NUP153: variants seen among roughly 807,000 people sequenced by gnomAD.
NUP153 encodes the protein nucleoporin 153.
Under a neutral mutation model 134.6 loss-of-function variants are expected in NUP153, and 27 were observed. The ratio of observed to expected loss-of-function variants is 0.20; its 90% CI spans 0.15 to 0.28. NUP153 has a LOEUF of 0.28. Ranked by LOEUF, NUP153 falls within the 10% of genes least tolerant of loss-of-function variation. The pLI is 1.00. For missense variants in NUP153, 1,821 were observed against 1,731.3 expected (o/e 1.05, Z -0.92); for synonymous variants, 640 against 623.5 (o/e 1.03, Z -0.40).
Position 17,629,249 on chromosome 6 carries a change from C to G in NUP153, c.2950G>C (p.Gly984Arg). The G allele has an allele frequency of 6.2e-7, 1 of 1,612,904 alleles. No individual in the cohort carries two copies. Among genetic ancestry groups the G allele is most frequent in the Non-Finnish European group, 8.5e-7 (1 of 1,179,722 alleles). The change falls in exon 18 of 22, where the codon GGA becomes CGA. Residue 984 changes from glycine (G) to arginine (R), a missense_variant. Physicochemically the swap from Gly to Arg is moderately radical, Grantham distance 125 (BLOSUM62 -2). Coordinates refer to ENST00000262077, the MANE Select transcript of NUP153 (RefSeq NM_005124.4). Reference protein sequence around the residue: ...KDSKNDNFKFGLSSGLSNPVS... With the variant: ...KDSKNDNFKFRLSSGLSNPVS... ...GGGTTGCTTAAACCAGAAGAAAGTC[C>G]AAACTTAAAATTATCATTCTTACTA...
chr6:17,640,041 T>G lies in NUP153; in HGVS notation c.1744A>C (p.Ser582Arg). 1 of 1,604,950 alleles carries G rather than the reference T, an allele frequency of 6.2e-7. No individual in the cohort carries two copies. The highest frequency in any genetic ancestry group is 8.5e-7 in the Non-Finnish European group (1 of 1,176,140). Reference sequence around the variant, plus strand: ...GGTGGTGTCTTCTTACAATTTGTACTGTTCACTGTAGTGACATGATGAGCT... The same window carrying G: ...GGTGGTGTCTTCTTACAATTTGTACGGTTCACTGTAGTGACATGATGAGCT... ...SSAHHVTTVN[S>R]TNCKKTPPED... The change falls in exon 15 of 22, where the codon AGT becomes CGT. Residue 582 changes from serine (S) to arginine (R), a missense_variant. Transcript: ENST00000262077.
Position 17,629,199 on chromosome 6 carries a change from A to C in NUP153, c.3000T>G (p.Phe1000Leu). 1 of 1,613,360 alleles carries C rather than the reference A, an allele frequency of 6.2e-7. No homozygotes were observed. ...SNPVSLTPFQFGVSNLGQEEK... is the reference protein window; with the variant it reads ...SNPVSLTPFQLGVSNLGQEEK... Reference sequence around the variant, plus strand: ...CTTCCTGTCCAAGATTAGATACCCCAAATTGAAATGGAGTTAAAGAAACTG... The same window carrying C: ...CTTCCTGTCCAAGATTAGATACCCCCAATTGAAATGGAGTTAAAGAAACTG... The change falls in exon 18 of 22, where the codon TTT (phenylalanine) becomes TTG (leucine). Residue 1000 changes from phenylalanine to leucine, a missense_variant. Coordinates refer to ENST00000262077, the MANE Select transcript of NUP153 (RefSeq NM_005124.4).
At position 17,680,027 on chromosome 6, in the gene NUP153, A is replaced by G. The variant is rs1294237880; in HGVS notation, c.335-4257T>C. 1.3e-5 allele frequency among the ~76,000 whole-genome samples: 2 copies of G among 152,252 alleles called. No individual in the cohort carries two copies. The highest frequency in any genetic ancestry group is 1.9e-4 in the East Asian group (1 of 5,178). On this transcript the variant is annotated intron_variant, in intron 2 of 21. Transcript: ENST00000262077. The surrounding 1 kb of genome is among the most constrained non-coding windows in gnomAD (Gnocchi z 4.5). ...AGGTGCTTTGCCCAGCCCAGCCTGC[A>G]TACCTTACCCCATGTCAATTCCTGC...
intron 1 of NUP153, among the ~76,000 whole-genome samples, chr6:17,691,355 A>C (rs1229247129): frequency 6.6e-6 from 1 of 152,238 alleles, no homozygotes; most frequent in Non-Finnish European, 1.5e-5. Context: ...ATGGAAAGAA[A>C]GCCTATATAC....
At position 17,625,108 on chromosome 6, in the gene NUP153, C is replaced by CA. The variant is rs1167942972; in HGVS notation, c.3902-276dup. ...CAATTTCTGGTAAAGGAACATATCT[C>CA]AGAATAATCTCCCACCAGAAATTTA... On this transcript the variant is annotated intron_variant, in intron 19 of 21. Coordinates refer to ENST00000262077, the MANE Select transcript of NUP153 (RefSeq NM_005124.4). This position sits in a 1 kb window ranked among gnomAD's most constrained non-coding sequence, Gnocchi z 4.7. Among the ~76,000 whole-genome samples, 1 of 152,182 alleles carries CA rather than the reference C, an allele frequency of 6.6e-6. No homozygotes were observed. Among genetic ancestry groups the CA allele is most frequent in the African/African-American group, 2.4e-5 (1 of 41,438 alleles).
intron 12 of NUP153, among the ~76,000 whole-genome samples, chr6:17,648,341 G>C (rs184332426): frequency 1.7e-3 from 264 of 152,282 alleles, no homozygotes; most frequent in African/African-American, 5.9e-3. Flanking sequence ...TTTTGGCCAG[G>C]AGTGGGGGCT....
At chr6:17,632,039 T>C (rs1171429630) in intron 17 of NUP153, among the ~76,000 whole-genome samples, 2 of 152,184 alleles carry the variant, frequency 1.3e-5, no homozygotes, top group African/African-American at 4.8e-5. Flanking sequence ...TTTGTACTTA[T>C]ATAGTAAAAT....
At chr6:17,644,236 GA>G (rs1177076861) in intron 14 of NUP153, among the ~76,000 whole-genome samples, 1 of 151,888 alleles carries the variant, frequency 6.6e-6, no homozygotes, top group East Asian at 1.9e-4. Flanking sequence ...CCCAAACTCA[GA>G]AGATCATTGA....
rs1212366312 is a variant in NUP153, at chr6:17,675,391, A to G, written c.584-23T>C. 1.2e-6 allele frequency: 2 copies of G among 1,609,648 alleles called. No homozygotes were observed. The highest frequency in any genetic ancestry group is 3.3e-5 in the Admixed American group (2 of 59,876). On this transcript the variant is annotated intron_variant, in intron 3 of 21. Coordinates refer to ENST00000262077, the MANE Select transcript of NUP153 (RefSeq NM_005124.4). The surrounding 1 kb of genome is among the most constrained non-coding windows in gnomAD (Gnocchi z 4.4). ...TATCTGAAACAAAATTACATAATCC[A>G]TAGTAATAACACCAATACAAGAGCC...
At chr6:17,701,843 G>A (rs199994282) in intron 1 of NUP153, among the ~76,000 whole-genome samples, 6,058 of 87,394 alleles carry the variant, frequency 0.069, 1,356 homozygotes, top group East Asian at 0.5. Context: ...GGGGGGGGGG[G>A]GAAAAAAGCT....
intron 9 of NUP153, among the ~76,000 whole-genome samples, chr6:17,663,644 T>C (rs578096760): frequency 1.6e-4 from 24 of 152,346 alleles, no homozygotes; most frequent in African/African-American, 5.3e-4. Flanking sequence ...AAAATGTTAA[T>C]GACTGGTGAA....
chr6:17,684,168 A>G (rs1027645885), intron 2 of NUP153, among the ~76,000 whole-genome samples: 9 of 152,214 alleles, frequency 5.9e-5, no homozygotes, highest in African/African-American at 2.2e-4. Context: ...TTGCAGAACC[A>G]TGAGCCAAAT....
intron 20 of NUP153, among the ~76,000 whole-genome samples, chr6:17,623,482 T>G (rs532502083): frequency 6.6e-6 from 1 of 152,198 alleles, no homozygotes; most frequent in South Asian, 2.1e-4. Context: ...AGGAAAAGTT[T>G]TTATTATCTT....
rs1294998427 is a variant in NUP153, at chr6:17,629,361, C to T, written c.2838G>A (p.Met946Ile). The change falls in exon 18 of 22, where the codon ATG (methionine) becomes ATA (isoleucine). Residue 946 changes from methionine to isoleucine, a missense_variant. Coordinates refer to ENST00000262077, the MANE Select transcript of NUP153 (RefSeq NM_005124.4). ...VSSDSGSINP[M>I]SEGFKFSKPI... Reference sequence around the variant, plus strand: ...GTTTAGAAAATTTAAAGCCTTCACTCATGGGGTTTATAGACCCAGAATCGG... The same window carrying T: ...GTTTAGAAAATTTAAAGCCTTCACTTATGGGGTTTATAGACCCAGAATCGG... 6.2e-7 allele frequency: 1 copy of T among 1,612,738 alleles called. No individual in the cohort carries two copies. The highest frequency in any genetic ancestry group is 8.5e-7 in the Non-Finnish European group (1 of 1,179,530).
At chr6:17,689,487 T>A (rs1417091922) in intron 1 of NUP153, among the ~76,000 whole-genome samples, 1 of 151,280 alleles carries the variant, frequency 6.6e-6, no homozygotes, top group Non-Finnish European at 1.5e-5. Flanking sequence ...GACATTTCAC[T>A]ACAGCAAATG....
rs964060853 is a variant in NUP153, at chr6:17,680,907, C to G, written c.335-5137G>C. On this transcript the variant is annotated intron_variant, in intron 2 of 21. Transcript: ENST00000262077. This position sits in a 1 kb window ranked among gnomAD's most constrained non-coding sequence, Gnocchi z 4.5. ...ACTAAAAGTAGAACCACAATATGATCCAACAATCCCACTGCTGGGTATATA... is the reference window on the plus strand; with the variant it reads ...ACTAAAAGTAGAACCACAATATGATGCAACAATCCCACTGCTGGGTATATA... 2.6e-5 allele frequency among the ~76,000 whole-genome samples: 4 copies of G among 152,104 alleles called. No individual in the cohort carries two copies. Among genetic ancestry groups the G allele is most frequent in the Non-Finnish European group, 4.4e-5 (3 of 68,034 alleles).
In NUP153 at chr6:17,637,180, A is replaced by G; in HGVS notation, c.2437T>C (p.Cys813Arg). 6.2e-7 allele frequency: 1 copy of G among 1,613,496 alleles called. No individual in the cohort carries two copies. Among genetic ancestry groups the G allele is most frequent in the Non-Finnish European group, 8.5e-7 (1 of 1,179,442 alleles). ...GGTTTCTCAGACATACAGGACACACACTTATTGTCTTCTGCATTATTAGAA... is the reference window on the plus strand; with the variant it reads ...GGTTTCTCAGACATACAGGACACACGCTTATTGTCTTCTGCATTATTAGAA... Reference protein sequence around the residue: ...CVSNNAEDNKCVSCMSEKPGS... With the variant: ...CVSNNAEDNKRVSCMSEKPGS... Residue 813 changes from cysteine to arginine, a missense_variant, in exon 16 of 22, where the codon TGT (cysteine) becomes CGT (arginine). By Grantham distance (180) the Cys-to-Arg change is radical (BLOSUM62 -3). Transcript: ENST00000262077.
intron 8 of NUP153, 139 bp downstream of exon 8, chr6:17,668,836 G>A (rs1332939385): frequency 6.8e-6 from 4 of 584,942 alleles, no homozygotes; most frequent in Non-Finnish European, 1.2e-5. Context: ...GAGCGAGACT[G>A]AGACTCAAAA....
At chr6:17,652,224 A>G (rs752023131) in intron 11 of NUP153, among the ~76,000 whole-genome samples, 7 of 151,888 alleles carry the variant, frequency 4.6e-5, no homozygotes, top group Non-Finnish European at 1.0e-4. Context: ...ACAGATCACT[A>G]TACCCAACAA....
Sources: allele counts gnomAD v4.1 joint callset (sites outside exome capture counted in the v4.1 genomes callset), GRCh38; gene constraint gnomAD v4.1.1; non-coding constraint Gnocchi (gnomAD v3.1); transcripts MANE v1.5; gene names NCBI Gene and HGNC (gene_info 2026-07-23, HGNC 2026-07-21).